RAB11FIP2: variants seen among roughly 807,000 people sequenced by gnomAD.
RAB11FIP2 encodes the protein RAB11 family interacting protein 2, also known as rab11 family-interacting protein 2.
A neutral mutation model predicts 40.9 loss-of-function variants in RAB11FIP2; 16 were observed. That is an observed-to-expected ratio of 0.39 (90% CI 0.26 to 0.59). RAB11FIP2 has a LOEUF of 0.59. Among genes scored for constraint, RAB11FIP2 ranks in the 20% least tolerant of loss-of-function variants. The probability of loss-of-function intolerance (pLI) is 0.53; values close to 1 mark genes in which losing one functional copy is unlikely to be tolerated. For missense variants in RAB11FIP2, 532 were observed against 606.2 expected, an observed-to-expected ratio of 0.88 and a Z score of 1.28; for synonymous variants, 228 against 213.7, an observed-to-expected ratio of 1.07 and a Z score of -0.58.
Position 118,008,740 on chromosome 10 carries a change from C to G in RAB11FIP2, c.*258G>C. 2.3e-6 allele frequency: 1 copy of G among 436,396 alleles called. No individual in the cohort carries two copies. The highest frequency in any genetic ancestry group is 4.4e-5 in the East Asian group (1 of 22,772). The allele number at this position is 436,396 out of a possible 1,614,324, so 27.0% of individuals were successfully genotyped here. A position where few individuals can be genotyped will look rare whatever the true frequency, so the allele number is the denominator to read the frequency against. On this transcript the variant is annotated 3_prime_UTR_variant, in exon 5 of 5. Coordinates refer to ENST00000355624, the MANE Select transcript of RAB11FIP2 (RefSeq NM_014904.3). ...CAGATTAGTGGGTCAGTACCAGCAC[C>G]TGAGTGAGTCCTAAGGAACCACTTA...
At chr10:118,019,994 A>G (rs1246734514) in intron 3 of RAB11FIP2, among the ~76,000 whole-genome samples, 1 of 152,102 alleles carries the variant, frequency 6.6e-6, no homozygotes, top group Non-Finnish European at 1.5e-5. Context: ...CCTAAAAGCA[A>G]TTGTATTTAT....
At chr10:118,040,045 T>G in intron 2 of RAB11FIP2, 78 bp downstream of exon 2, 2 of 1,382,806 alleles carry the variant, frequency 1.4e-6, no homozygotes, top group Non-Finnish European at 2.0e-6. Context: ...CTATTTTGAT[T>G]TACTAAATTT....
chr10:118,026,181 CAA>C (rs1266392855), intron 3 of RAB11FIP2, among the ~76,000 whole-genome samples: 3 of 152,200 alleles, frequency 2.0e-5, no homozygotes, highest in East Asian at 1.9e-4. Context: ...ATGGGAGGCA[CAA>C]AGAGTTGCCA....
At chr10:118,015,244 CAAG>C (rs1846203995) in intron 3 of RAB11FIP2, 134 bp from the exon 4 acceptor site, 2 of 570,012 alleles carry the variant, frequency 3.5e-6, no homozygotes, top group Non-Finnish European at 5.6e-6. Flanking sequence ...AAATTTAATC[CAAG>C]AAGTAGAAAA....
chr10:118,005,886 T>C lies in RAB11FIP2; in HGVS notation c.*3112A>G, dbSNP rs1487627348. On this transcript the variant is annotated 3_prime_UTR_variant, in exon 5 of 5. Transcript: ENST00000355624. The stretch of plus-strand genomic sequence containing the variant: ...ACAAGTCTGTCACTAATGAGCTTAG[T>C]TTTACTTAGGTTTCCATTCATGAAA... 6.6e-6 allele frequency: 1 copy of C among 152,486 alleles called. No individual in the cohort carries two copies. The highest frequency in any genetic ancestry group is 2.4e-5 in the African/African-American group (1 of 41,412). The allele number at this position is 152,486 out of a possible 1,614,324, so 9.4% of individuals were successfully genotyped here.
intron 4 of RAB11FIP2, among the ~76,000 whole-genome samples, chr10:118,012,617 C>A (rs1279299766): frequency 6.6e-6 from 1 of 151,736 alleles, no homozygotes; most frequent in Non-Finnish European, 1.5e-5. Context: ...AACATATGCT[C>A]ATTACAAAAA....
At chr10:118,018,281 T>C (rs980843915) in intron 3 of RAB11FIP2, 3 of 152,184 alleles carry the variant, frequency 2.0e-5, no homozygotes, top group Non-Finnish European at 4.4e-5. Flanking sequence ...TGGTGAAAAA[T>C]AAAATGTCTC....
intron 3 of RAB11FIP2, among the ~76,000 whole-genome samples, chr10:118,017,135 G>C (rs113831366): frequency 6.6e-6 from 1 of 152,106 alleles, no homozygotes; most frequent in African/African-American, 2.4e-5. Flanking sequence ...GGTAACTTGC[G>C]TGTGGTCATT....
Position 118,040,413 on chromosome 10 carries a change from T to C in RAB11FIP2, c.506A>G (p.Asp169Gly). 1 of 1,613,896 alleles carries C rather than the reference T, an allele frequency of 6.2e-7. No homozygotes were observed. The highest frequency in any genetic ancestry group is 8.5e-7 in the Non-Finnish European group (1 of 1,179,812). ...ATCATTTTTTCTACCCTTCATCTTA[T>C]CTTTTAACTTTGCAAAAGGAGATCT... ...KTRSPFAKLKDKMKGRKNDGT... is the reference protein window; with the variant it reads ...KTRSPFAKLKGKMKGRKNDGT... The change falls in exon 2 of 5, where the codon GAT (aspartate) becomes GGT (glycine). Residue 169 changes from aspartate to glycine, a missense_variant. Coordinates refer to ENST00000355624, the MANE Select transcript of RAB11FIP2 (RefSeq NM_014904.3).
At chr10:118,044,149 T>G (rs566281875) in intron 1 of RAB11FIP2, among the ~76,000 whole-genome samples, 2 of 152,196 alleles carry the variant, frequency 1.3e-5, no homozygotes, top group African/African-American at 4.8e-5. Context: ...AACTGTGATG[T>G]TGCCCAGGAC....
chr10:118,046,028 T>C lies in RAB11FIP2; in HGVS notation c.136A>G (p.Lys46Glu), dbSNP rs778984700. The C allele has an allele frequency of 4.3e-6, 7 of 1,614,216 alleles. No individual in the cohort carries two copies. ...TTCTCAGCTACAGAGGTGGAGTACT[T>C]TTCCTTGCCCAGCTGAATTATAGTG... The part of the protein sequence containing the change: ...TYTIIQLGKE[K>E]YSTSVAEKTL... The change falls in exon 1 of 5, where the codon AAG (lysine) becomes GAG (glutamate). Residue 46 changes from lysine to glutamate, a missense_variant. Coordinates refer to ENST00000355624, the MANE Select transcript of RAB11FIP2 (RefSeq NM_014904.3).
At chr10:118,021,341 G>A (rs1846281461) in intron 3 of RAB11FIP2, among the ~76,000 whole-genome samples, 1 of 152,170 alleles carries the variant, frequency 6.6e-6, no homozygotes. Context: ...CAAAGGAACA[G>A]TAATCAATAA....
chr10:118,039,277 C>T lies in RAB11FIP2; in HGVS notation c.960G>A (p.Arg320=), dbSNP rs760267092. The change falls in exon 3 of 5, where the codon AGG becomes AGA. Residue 320 remains arginine, a synonymous_variant. Coordinates refer to ENST00000355624, the MANE Select transcript of RAB11FIP2 (RefSeq NM_014904.3). ...SLPQKFATLP[R]KKNPFEESSE... The stretch of plus-strand genomic sequence containing the variant: ...TGCTTTCTTCAAATGGATTTTTCTT[C>T]CTTGGCAGTGTTGCAAATTTTTGGG... 4 of 1,613,646 alleles carry T rather than the reference C, an allele frequency of 2.5e-6. No individual in the cohort carries two copies. In the East Asian group the frequency reaches 6.7e-5, roughly 27 times the overall value.
intron 3 of RAB11FIP2, among the ~76,000 whole-genome samples, chr10:118,032,465 T>A (rs1589645262): frequency 6.7e-6 from 1 of 149,134 alleles, no homozygotes; most frequent in African/African-American, 2.4e-5. Context: ...TTCCACCATA[T>A]CTCTGTTTTA....
rs754204009 is a variant in RAB11FIP2, at chr10:118,046,203, C to G, written c.-40G>C. On this transcript the variant is annotated 5_prime_UTR_variant, in exon 1 of 5. Coordinates refer to ENST00000355624, the MANE Select transcript of RAB11FIP2 (RefSeq NM_014904.3). ...CTGCCCCCGAGTTCCCTAGCACAGG[C>G]AGTGCCCCTCCCGGAGGGAGAGCCT... is the stretch of plus-strand genomic sequence containing the variant. 70 of 1,542,300 alleles carry G rather than the reference C, an allele frequency of 4.5e-5. No individual in the cohort carries two copies. The African/African-American group carries it at 8.7e-4, about 19-fold the overall frequency.
chr10:118,043,168 G>A (rs1290221182), intron 1 of RAB11FIP2, among the ~76,000 whole-genome samples: 2 of 152,050 alleles, frequency 1.3e-5, no homozygotes, highest in Admixed American at 6.5e-5. Flanking sequence ...TTGGTGCTGT[G>A]TGGTCAGAAA....
At chr10:118,020,615 C>T (rs976295775) in intron 3 of RAB11FIP2, among the ~76,000 whole-genome samples, 6 of 152,168 alleles carry the variant, frequency 3.9e-5, no homozygotes, top group Non-Finnish European at 2.9e-5. Context: ...AGCACCGCTC[C>T]CCTGCCTCCC....
In RAB11FIP2 at chr10:118,046,529, T is replaced by G; in HGVS notation, c.-366A>C. The stretch of plus-strand genomic sequence containing the variant: ...GGGGTGAAGGGAGCCCCCGCCCCAA[T>G]TCTGCACCCCTGGCCTCCCGCCTGC... On this transcript the variant is annotated 5_prime_UTR_variant, in exon 1 of 5. Transcript: ENST00000355624. 1.7e-5 allele frequency: 3 copies of G among 181,712 alleles called. No homozygotes were observed. Among genetic ancestry groups the G allele is most frequent in the Non-Finnish European group, 3.4e-5 (3 of 88,178 alleles). 11.3% of individuals were successfully genotyped at this position (181,712 alleles called of 1,614,324 possible). A position where few individuals can be genotyped will look rare whatever the true frequency, so the allele number is the denominator to read the frequency against.
rs150998302 is a variant in RAB11FIP2 at position 118,039,413 on chromosome 10, G to T, written c.824C>A (p.Thr275Lys). The change falls in exon 3 of 5, where the codon ACA becomes AAA. Residue 275 changes from threonine (T) to lysine (K), a missense_variant. Coordinates refer to ENST00000355624, the MANE Select transcript of RAB11FIP2 (RefSeq NM_014904.3). ...CATTTTAGAAGTATCAAAGCTTAAT[G>T]TTCTTCTGTGTGGAGATTTGAGACT... ...SGSLKSPHRRTLSFDTSKMNQ... is the reference protein window; with the variant it reads ...SGSLKSPHRRKLSFDTSKMNQ... 7,072 of 1,612,604 alleles carry T rather than the reference G, an allele frequency of 4.4e-3. 18 individuals are homozygous for T. Among genetic ancestry groups the T allele is most frequent in the Non-Finnish European group, 5.2e-3 (6,180 of 1,179,104 alleles).
Sources: allele counts gnomAD v4.1 joint callset (sites outside exome capture counted in the v4.1 genomes callset), GRCh38; gene constraint gnomAD v4.1.1; transcripts MANE v1.5; gene names NCBI Gene and HGNC (gene_info 2026-07-23, HGNC 2026-07-21).